The following TCF12 variants were observed in gnomAD, a reference collection of about 807,000 sequenced individuals.
The protein encoded by TCF12 is DNA-binding protein HTF4.
TCF12 carries 45 observed loss-of-function variants against 86.0 expected under a neutral mutation model. The ratio of observed to expected loss-of-function variants is 0.52; its 90% CI spans 0.41 to 0.67. The LOEUF is 0.67. Among genes scored for constraint, TCF12 ranks in the 30% least tolerant of loss-of-function variants. TCF12 has a pLI of 0.00. For missense variants in TCF12, 881 were observed against 859.9 expected, an observed-to-expected ratio of 1.02 and a Z score of -0.31; for synonymous variants, 330 against 299.6, an observed-to-expected ratio of 1.10 and a Z score of -1.05.
At chr15:57,095,137 A>G (rs1242221883) in intron 5 of TCF12, among the ~76,000 whole-genome samples, 2 of 152,162 alleles carry the variant, frequency 1.3e-5, no homozygotes, top group African/African-American at 4.8e-5. Flanking sequence ...CGAGTGAAAT[A>G]AGTACATCTT....
At chr15:57,050,451 T>G (rs2067532309) in intron 3 of TCF12, among the ~76,000 whole-genome samples, 1 of 152,192 alleles carries the variant, frequency 6.6e-6, no homozygotes, top group Non-Finnish European at 1.5e-5. Flanking sequence ...GTAATTTATC[T>G]TTTTTCTCTC....
At chr15:57,181,868 C>G (rs965330683) in intron 6 of TCF12, among the ~76,000 whole-genome samples, 14 of 151,866 alleles carry the variant, frequency 9.2e-5, no homozygotes, top group African/African-American at 3.4e-4. Flanking sequence ...GGGGGATAAC[C>G]CTTTATTAAT....
intron 3 of TCF12, among the ~76,000 whole-genome samples, chr15:56,926,827 T>C (rs921802280): frequency 1.3e-5 from 2 of 152,370 alleles, no homozygotes; most frequent in South Asian, 2.1e-4. Context: ...ATAGTCGTTA[T>C]CCTTATAAGG....
At chr15:57,268,199 A>G (rs1251918378) in intron 18 of TCF12, among the ~76,000 whole-genome samples, 2 of 152,076 alleles carry the variant, frequency 1.3e-5, no homozygotes, top group Non-Finnish European at 1.5e-5. Flanking sequence ...AACTCACTAA[A>G]TTAGTGAGTC....
intron 11 of TCF12, 133 bp downstream of exon 11, chr15:57,232,989 GTGTGTTATATGTATATA>G (rs2059212672): frequency 2.0e-6 from 1 of 504,234 alleles, no homozygotes; most frequent in Non-Finnish European, 2.8e-6. Context: ...ATATGTATAT[GTGTGTTATATGTATATA>G]TGTGTTATAT....
chr15:57,007,796 T>TTCTTTCTC (rs1555474206), intron 3 of TCF12, among the ~76,000 whole-genome samples: 65 of 136,692 alleles, frequency 4.8e-4, no homozygotes, highest in African/African-American at 1.9e-3. Context: ...CTTTCTCTCT[T>TTCTTTCTC]TCTTTCTTTC....
intron 4 of TCF12, among the ~76,000 whole-genome samples, chr15:57,071,913 G>A (rs1335726842): frequency 6.6e-6 from 1 of 152,040 alleles, no homozygotes; most frequent in African/African-American, 2.4e-5. Flanking sequence ...TACAAAATTC[G>A]GTAGATAATA....
intron 3 of TCF12, among the ~76,000 whole-genome samples, chr15:56,922,661 A>T (rs1329130407): frequency 6.6e-6 from 1 of 152,178 alleles, no homozygotes; most frequent in East Asian, 1.9e-4. Context: ...TTATCCATTG[A>T]AAGGTTTGAA....
chr15:57,034,406 T>C (rs1257962841), intron 3 of TCF12, among the ~76,000 whole-genome samples: 3 of 152,164 alleles, frequency 2.0e-5, no homozygotes, highest in African/African-American at 7.2e-5. Flanking sequence ...CTGTACTCAA[T>C]AAAATTTGCC....
chr15:56,980,614 T>C (rs1357986585), intron 3 of TCF12, among the ~76,000 whole-genome samples: 2 of 152,244 alleles, frequency 1.3e-5, no homozygotes, highest in Non-Finnish European at 2.9e-5. Context: ...CTGCGCCTGC[T>C]GTTCATAGTC....
At chr15:56,957,791 T>A (rs541531660) in intron 3 of TCF12, among the ~76,000 whole-genome samples, 1 of 152,338 alleles carries the variant, frequency 6.6e-6, no homozygotes, top group East Asian at 1.9e-4. Context: ...TGCCGTATAT[T>A]TTTTATTTCT....
At chr15:57,047,214 A>G (rs1179871684) in intron 3 of TCF12, among the ~76,000 whole-genome samples, 6 of 152,346 alleles carry the variant, frequency 3.9e-5, no homozygotes, top group Non-Finnish European at 5.9e-5. Context: ...TAGGTATTCT[A>G]TATAATACTT....
rs189416377 is a variant in TCF12, at chr15:57,085,909, C to A, written c.223-5880C>A. 3.7e-4 allele frequency among the ~76,000 whole-genome samples: 56 copies of A among 152,126 alleles called. 1 individual carries two copies. The East Asian group carries it at 0.01, about 27-fold the overall frequency. On this transcript the variant is annotated intron_variant, in intron 4 of 20. Coordinates refer to ENST00000333725, the MANE Select transcript of TCF12 (RefSeq NM_207037.2). ...GGAAATCTTGTAGCTCTTTGAATAC[C>A]AGAAACCCGTGGATACTTGTTCAAT...
At chr15:57,067,464 C>T (rs771772355) in intron 4 of TCF12, among the ~76,000 whole-genome samples, 22 of 52,432 alleles carry the variant, frequency 4.2e-4, no homozygotes, top group Admixed American at 9.6e-4. Flanking sequence ...GGCGTGAACC[C>T]GGGAGGCGGA....
chr15:56,964,527 C>T (rs1409939672), intron 3 of TCF12, among the ~76,000 whole-genome samples: 2 of 152,282 alleles, frequency 1.3e-5, no homozygotes, highest in South Asian at 2.1e-4. Context: ...CATGTCTTTT[C>T]ATTTTTCAGC....
At chr15:57,247,887 G>A in intron 13 of TCF12, 1 of 762,254 alleles carries the variant, frequency 1.3e-6, no homozygotes, top group Non-Finnish European at 2.4e-6. Context: ...TTCTCAAAAT[G>A]TCTCTTAAAC....
intron 6 of TCF12, among the ~76,000 whole-genome samples, chr15:57,170,737 A>ATATATATATTATATATAAT (rs1567559372): frequency 3.2e-4 from 8 of 24,842 alleles, no homozygotes; most frequent in Non-Finnish European, 5.6e-4. Context: ...TATTATATAT[A>ATATATATATTATATATAAT]ATATATATTA....
Position 56,918,690 on chromosome 15 carries a change from C to T in TCF12, c.-239C>T, listed in dbSNP as rs1468984316. 5.2e-6 allele frequency: 1 copy of T among 190,922 alleles called. No individual in the cohort carries two copies. The highest frequency in any genetic ancestry group is 1.1e-5 in the Non-Finnish European group (1 of 90,724). The allele number at this position is 190,922 out of a possible 1,614,324, so 11.8% of individuals were successfully genotyped here. A position where few individuals can be genotyped will look rare whatever the true frequency, so the allele number is the denominator to read the frequency against. On this transcript the variant is annotated 5_prime_UTR_variant, in exon 1 of 21. Coordinates refer to ENST00000333725, the MANE Select transcript of TCF12 (RefSeq NM_207037.2). ...CCGCCTCAGCGAAAAAAATGTCCGC[C>T]TGAAGAGACCCACAAGTTCTATTCG...
chr15:56,964,857 A>G (rs908765103), intron 3 of TCF12, among the ~76,000 whole-genome samples: 4 of 152,192 alleles, frequency 2.6e-5, no homozygotes, highest in Admixed American at 2.0e-4. Flanking sequence ...CAAATAATAG[A>G]TCATTTATTT....
Sources: gnomAD v4.1 joint callset for allele counts (sites outside exome capture counted in the v4.1 genomes callset) on GRCh38, gnomAD v4.1.1 for gene constraint, MANE v1.5 for transcripts, NCBI Gene and HGNC (gene_info 2026-07-23, HGNC 2026-07-21) for gene names.